The following DPYD variants were observed in gnomAD, a reference collection of about 807,000 sequenced individuals.
DPYD encodes the protein dihydropyrimidine dehydrogenase [NADP(+)].
DPYD carries 109 observed loss-of-function variants against 116.2 expected under a neutral mutation model. The observed-to-expected ratio is 0.94, with a 90% CI of 0.80 to 1.10. DPYD has a LOEUF of 1.10. Among genes scored for constraint, DPYD ranks in the 50% least tolerant of loss-of-function variants. DPYD has a pLI of 0.00. For synonymous variants in DPYD, 440 were observed against 432.0 expected, an observed-to-expected ratio of 1.02 and a Z score of -0.23; for missense variants, 1,302 against 1,254.5, an observed-to-expected ratio of 1.04 and a Z score of -0.57.
intron 3 of DPYD, among the ~76,000 whole-genome samples, chr1:97,792,086 C>T (rs1051061795): frequency 6.6e-6 from 1 of 152,128 alleles, no homozygotes; most frequent in Non-Finnish European, 1.5e-5. Context: ...CTCTATTATG[C>T]ATAGTCATAA....
chr1:97,480,191 C>G (rs942637354), intron 13 of DPYD, among the ~76,000 whole-genome samples: 8 of 151,982 alleles, frequency 5.3e-5, no homozygotes, highest in African/African-American at 1.9e-4. Flanking sequence ...CTATACATCC[C>G]TTTTGAACAA....
intron 3 of DPYD, among the ~76,000 whole-genome samples, chr1:97,823,864 C>CTTT (rs56673700): frequency 1.7e-4 from 14 of 81,706 alleles, no homozygotes; most frequent in Non-Finnish European, 2.3e-4. Flanking sequence ...ACTACAAAGT[C>CTTT]TTTTTTTTTT....
At chr1:97,854,494 C>CAG (rs1446143943) in intron 2 of DPYD, among the ~76,000 whole-genome samples, 1 of 152,166 alleles carries the variant, frequency 6.6e-6, no homozygotes, top group East Asian at 1.9e-4. Flanking sequence ...ACCATGGGAG[C>CAG]AGAGAGAGTT....
intron 18 of DPYD, among the ~76,000 whole-genome samples, chr1:97,273,009 A>G (rs938172993): frequency 2.0e-5 from 3 of 152,072 alleles, no homozygotes; most frequent in Non-Finnish European, 1.5e-5. Flanking sequence ...TTTCAACCCT[A>G]AAGTTGCCTA....
intron 13 of DPYD, among the ~76,000 whole-genome samples, chr1:97,510,493 A>G (rs1173246331): frequency 1.3e-5 from 2 of 151,976 alleles, no homozygotes; most frequent in Non-Finnish European, 2.9e-5. Flanking sequence ...TTTGGACTTG[A>G]TGAAGATCAT....
intron 11 of DPYD, among the ~76,000 whole-genome samples, chr1:97,572,854 A>G (rs1652992086): frequency 6.6e-6 from 1 of 152,046 alleles, no homozygotes; most frequent in South Asian, 2.1e-4. Context: ...GCATAAAAAT[A>G]TACATTTTCA....
At chr1:97,852,023 C>CAAAAAAAA (rs555567071) in intron 2 of DPYD, among the ~76,000 whole-genome samples, 1 of 74,282 alleles carries the variant, frequency 1.3e-5, no homozygotes, top group Non-Finnish European at 2.9e-5. Flanking sequence ...GTGCAATTTA[C>CAAAAAAAA]AAAAAAAAAA....
chr1:97,515,159 A>G (rs753126771), intron 13 of DPYD, among the ~76,000 whole-genome samples: 6 of 151,966 alleles, frequency 3.9e-5, no homozygotes, highest in Non-Finnish European at 7.4e-5. Flanking sequence ...TGTGTACTTT[A>G]AAGACTCAAT....
intron 18 of DPYD, chr1:97,295,837 T>C (rs1666495189): frequency 1.3e-6 from 1 of 793,642 alleles, no homozygotes; most frequent in Admixed American, 6.3e-5. Flanking sequence ...GTGTGAAGAT[T>C]AAGTGAAATA....
At chr1:97,644,041 C>A (rs1034846788) in intron 8 of DPYD, among the ~76,000 whole-genome samples, 2 of 151,868 alleles carry the variant, frequency 1.3e-5, no homozygotes, top group Non-Finnish European at 2.9e-5. Flanking sequence ...ATGTAACAAA[C>A]CTGCACGTTC....
intron 3 of DPYD, among the ~76,000 whole-genome samples, chr1:97,758,422 G>T (rs939779749): frequency 1.3e-5 from 2 of 151,156 alleles, no homozygotes; most frequent in African/African-American, 4.9e-5. Context: ...TTTAAACTCT[G>T]AATGTTTCTT....
At chr1:97,680,679 C>T (rs776146224) in intron 7 of DPYD, among the ~76,000 whole-genome samples, 37 of 152,086 alleles carry the variant, frequency 2.4e-4, no homozygotes, top group Non-Finnish European at 4.9e-4. Flanking sequence ...TCCCACAGAA[C>T]GTCACAGTGA....
intron 1 of DPYD, among the ~76,000 whole-genome samples, chr1:97,883,685 G>A (rs567948735): frequency 1.8e-4 from 27 of 152,056 alleles, no homozygotes; most frequent in African/African-American, 6.0e-4. Flanking sequence ...GGTCTCAAGC[G>A]ATCCACCTGG....
chr1:97,830,731 G>C (rs1669503054), intron 2 of DPYD, among the ~76,000 whole-genome samples: 1 of 151,546 alleles, frequency 6.6e-6, no homozygotes, highest in Admixed American at 6.6e-5. Context: ...AAGAGAGAGA[G>C]AGAAAGTGGA....
chr1:97,195,477 T>C (rs1658687358), intron 19 of DPYD, among the ~76,000 whole-genome samples: 1 of 140,154 alleles, frequency 7.1e-6, no homozygotes, highest in Non-Finnish European at 1.5e-5. Flanking sequence ...AGAGAATTTA[T>C]TGAAAACATA....
chr1:97,586,034 G>A, intron 10 of DPYD: 1 of 217,202 alleles, frequency 4.6e-6, no homozygotes, highest in Non-Finnish European at 9.6e-6. Flanking sequence ...AGTTCAGGTT[G>A]TGTGAGGACA....
chr1:97,369,999 A>G (rs111604486), intron 16 of DPYD, among the ~76,000 whole-genome samples: 1 of 152,228 alleles, frequency 6.6e-6, no homozygotes, highest in East Asian at 1.9e-4. Context: ...AAACAGCAAC[A>G]TATTTTCTTT....
At chr1:97,384,062 T>C (rs1672153083) in intron 14 of DPYD, among the ~76,000 whole-genome samples, 1 of 152,092 alleles carries the variant, frequency 6.6e-6, no homozygotes, top group Non-Finnish European at 1.5e-5. Context: ...GGAGGTATGA[T>C]TGCATTACTG....
intron 18 of DPYD, among the ~76,000 whole-genome samples, chr1:97,283,805 T>C (rs540458518): frequency 1.6e-4 from 25 of 152,262 alleles, no homozygotes; most frequent in Non-Finnish European, 3.4e-4. Flanking sequence ...TGCTGGTGTA[T>C]AGGAAAGCAA....
Sources: allele counts gnomAD v4.1 joint callset (sites outside exome capture counted in the v4.1 genomes callset), GRCh38; gene constraint gnomAD v4.1.1; transcripts MANE v1.5; gene names NCBI Gene and HGNC (gene_info 2026-07-23, HGNC 2026-07-21).